CSMD1: variants seen among roughly 807,000 people sequenced by gnomAD.
The protein encoded by CSMD1 is CUB and Sushi multiple domains 1.
CSMD1 carries 213 observed loss-of-function variants against 417.5 expected under a neutral mutation model. The observed-to-expected ratio is 0.51, with a 90% CI of 0.46 to 0.57. The LOEUF is 0.57. CSMD1 is among the 20% of genes least tolerant of loss of function. The pLI, the probability that CSMD1 is intolerant of heterozygous loss-of-function variation, is 0.00. For missense variants in CSMD1, 6,923 were observed against 4,529.7 expected, an observed-to-expected ratio of 1.53 and a Z score of -15.17; for synonymous variants, 2,862 against 1,736.8, an observed-to-expected ratio of 1.65 and a Z score of -16.11.
intron 7 of CSMD1, among the ~76,000 whole-genome samples, chr8:3,666,039 G>A (rs1245368907): frequency 1.3e-5 from 2 of 152,128 alleles, no homozygotes; most frequent in East Asian, 3.9e-4. Flanking sequence ...GGGATTACAG[G>A]TGCCCAACAC....
chr8:3,658,720 T>A (rs1337518892), intron 7 of CSMD1, among the ~76,000 whole-genome samples: 1 of 152,050 alleles, frequency 6.6e-6, no homozygotes, highest in Non-Finnish European at 1.5e-5. Flanking sequence ...GAGGCTAAGG[T>A]TGCAGTGAGC....
chr8:4,351,365 C>T (rs781453651), intron 3 of CSMD1, among the ~76,000 whole-genome samples: 2 of 152,210 alleles, frequency 1.3e-5, no homozygotes, highest in East Asian at 1.9e-4. Context: ...TCTCCTTATT[C>T]GTCTTGTTCT....
At chr8:4,045,129 G>C (rs933243529) in intron 3 of CSMD1, among the ~76,000 whole-genome samples, 3 of 152,156 alleles carry the variant, frequency 2.0e-5, no homozygotes, top group East Asian at 3.9e-4. Context: ...GTCACCACCT[G>C]TGCCCTCCCA....
intron 24 of CSMD1, 28 bp from the exon 25 acceptor site, chr8:3,307,849 G>C (rs369160436): frequency 6.2e-7 from 1 of 1,603,300 alleles, no homozygotes; most frequent in East Asian, 2.2e-5. Flanking sequence ...AGATGGGAAC[G>C]TTCAGCTTCA....
intron 3 of CSMD1, among the ~76,000 whole-genome samples, chr8:4,394,811 T>G (rs1804089386): frequency 6.6e-6 from 1 of 152,146 alleles, no homozygotes; most frequent in Non-Finnish European, 1.5e-5. Flanking sequence ...TCAGCTGACT[T>G]TAAATTTCTG....
intron 3 of CSMD1, among the ~76,000 whole-genome samples, chr8:4,046,622 T>C (rs1206854888): frequency 6.6e-6 from 1 of 152,190 alleles, no homozygotes; most frequent in East Asian, 1.9e-4. Context: ...GTCTTGATAA[T>C]TCCATCATAA....
chr8:3,889,559 CTGTG>C (rs1180378665), intron 5 of CSMD1, among the ~76,000 whole-genome samples: 13 of 33,104 alleles, frequency 3.9e-4, no homozygotes, highest in South Asian at 3.2e-3. Context: ...ATATGTGTGT[CTGTG>C]TGTGTGTATG....
intron 3 of CSMD1, among the ~76,000 whole-genome samples, chr8:4,323,402 C>G (rs911665268): frequency 6.6e-6 from 1 of 152,110 alleles, no homozygotes; most frequent in African/African-American, 2.4e-5. Flanking sequence ...ATTTCACAGC[C>G]TTGTTCCATG....
intron 3 of CSMD1, among the ~76,000 whole-genome samples, chr8:4,268,766 C>G (rs558103415): frequency 5.3e-5 from 8 of 151,312 alleles, no homozygotes; most frequent in Non-Finnish European, 1.2e-4. Flanking sequence ...AAAAAACCCA[C>G]AAATATCTGA....
At chr8:4,287,503 A>G (rs1319950563) in intron 3 of CSMD1, among the ~76,000 whole-genome samples, 1 of 152,114 alleles carries the variant, frequency 6.6e-6, no homozygotes, top group Non-Finnish European at 1.5e-5. Context: ...CTAAGACTTA[A>G]TATTTACACC....
At position 4,682,215 on chromosome 8, in the gene CSMD1, A is replaced by G. The variant is rs114639729; in HGVS notation, c.86-44657T>C. Among the ~76,000 whole-genome samples the G allele has an allele frequency of 3.5e-3, 535 of 152,204 alleles. 2 individuals carry two copies. The highest frequency in any genetic ancestry group is 0.012 in the African/African-American group (512 of 41,530). On this transcript the variant is annotated intron_variant, in intron 1 of 69. Coordinates refer to ENST00000635120, the MANE Select transcript of CSMD1 (RefSeq NM_033225.6). ...CTAAATTTTTGAATTGTTTTTGTAG[A>G]GATGGGATTTCACTATGTTGCCCAG...
chr8:4,971,604 T>C (rs1434953843), intron 1 of CSMD1, among the ~76,000 whole-genome samples: 1 of 151,960 alleles, frequency 6.6e-6, no homozygotes, highest in Non-Finnish European at 1.5e-5. Flanking sequence ...TCAAAGACTA[T>C]GATTTCTAAT....
chr8:3,798,166 T>C lies in CSMD1; in HGVS notation c.819-44124A>G, dbSNP rs144877169. On this transcript the variant is annotated intron_variant, in intron 5 of 69. Coordinates refer to ENST00000635120, the MANE Select transcript of CSMD1 (RefSeq NM_033225.6). ...TTAGTGCATCATATGTAGTCTTTTA[T>C]TAGATAAAACAATTTTTAACATTTT... is the stretch of plus-strand genomic sequence containing the variant. Among the ~76,000 whole-genome samples, 484 of 152,150 alleles carry C rather than the reference T, an allele frequency of 3.2e-3. 6 individuals carry two copies. Among genetic ancestry groups the C allele is most frequent in the Middle Eastern group, 0.024 (7 of 294 alleles).
chr8:3,531,970 G>C (rs1165774242), intron 10 of CSMD1, among the ~76,000 whole-genome samples: 3 of 152,152 alleles, frequency 2.0e-5, no homozygotes, highest in Non-Finnish European at 2.9e-5. Context: ...TAAAAGACTG[G>C]AATGGGGGAT....
chr8:3,804,775 A>G (rs892756718), intron 5 of CSMD1, among the ~76,000 whole-genome samples: 15 of 152,244 alleles, frequency 9.9e-5, no homozygotes, highest in Non-Finnish European at 2.2e-4. Flanking sequence ...AGTAGCTGAG[A>G]AAGAAAATAT....
intron 6 of CSMD1, among the ~76,000 whole-genome samples, chr8:3,731,831 A>G (rs550599730): frequency 2.0e-5 from 3 of 152,138 alleles, no homozygotes; most frequent in Non-Finnish European, 4.4e-5. Context: ...CTCACCACCC[A>G]TGAGTGAGTT....
chr8:4,208,729 A>G (rs1488293014), intron 3 of CSMD1, among the ~76,000 whole-genome samples: 4 of 152,224 alleles, frequency 2.6e-5, no homozygotes, highest in African/African-American at 9.6e-5. Flanking sequence ...GGCAATAAAA[A>G]GCATGGAATA....
chr8:3,908,190 G>C (rs549413302), intron 5 of CSMD1, among the ~76,000 whole-genome samples: 1 of 152,216 alleles, frequency 6.6e-6, no homozygotes, highest in East Asian at 1.9e-4. Flanking sequence ...GGCCAGGCTA[G>C]ATACTAAGCA....
intron 5 of CSMD1, among the ~76,000 whole-genome samples, chr8:3,774,592 A>T (rs935164285): frequency 1.3e-5 from 2 of 152,082 alleles, no homozygotes; most frequent in African/African-American, 4.8e-5. Flanking sequence ...TTTCTCTGTT[A>T]ATCTTCAGTT....
Sources: gnomAD v4.1 joint callset for allele counts (sites outside exome capture counted in the v4.1 genomes callset) on GRCh38, gnomAD v4.1.1 for gene constraint, MANE v1.5 for transcripts, NCBI Gene and HGNC (gene_info 2026-07-23, HGNC 2026-07-21) for gene names.